SUSD6: variants seen among roughly 807,000 people sequenced by gnomAD.
The protein encoded by SUSD6 is sushi domain-containing protein 6.
A neutral mutation model predicts 28.4 loss-of-function variants in SUSD6; 16 were observed. The observed-to-expected ratio is 0.56, with a 90% CI of 0.38 to 0.86. The LOEUF is 0.86. Ranked by LOEUF, SUSD6 falls within the 40% of genes least tolerant of loss-of-function variation. SUSD6 has a pLI of 0.00. For synonymous variants in SUSD6, 147 were observed against 159.6 expected (o/e 0.92, Z 0.59); for missense variants, 341 against 384.2 (o/e 0.89, Z 0.94).
At chr14:69,654,864 G>C (rs376603492) in intron 1 of SUSD6, among the ~76,000 whole-genome samples, 1 of 141,538 alleles carries the variant, frequency 7.1e-6, no homozygotes, top group Non-Finnish European at 1.5e-5. Flanking sequence ...GCACAATATC[G>C]GCTCACCACA....
chr14:69,687,492 A>C (rs1342594121), intron 2 of SUSD6, among the ~76,000 whole-genome samples: 1 of 152,230 alleles, frequency 6.6e-6, no homozygotes, highest in Admixed American at 6.5e-5. Flanking sequence ...CTATAACATA[A>C]AACCCCAGGT....
chr14:69,677,916 A>C (rs913561208), intron 2 of SUSD6, among the ~76,000 whole-genome samples: 1 of 152,218 alleles, frequency 6.6e-6, no homozygotes, highest in Non-Finnish European at 1.5e-5. Context: ...AAACTTAAAA[A>C]ATGGAGACGA....
intron 2 of SUSD6, among the ~76,000 whole-genome samples, chr14:69,664,717 A>G (rs529506911): frequency 3.3e-5 from 5 of 152,302 alleles, no homozygotes; most frequent in Non-Finnish European, 4.4e-5. Flanking sequence ...CTGGGTCCCT[A>G]TTGGGTTAAA....
rs147919258 is a variant in SUSD6 at position 69,619,103 on chromosome 14, C to T, written c.-81+7275C>T. ...TTCCTAGTCTAGTGCTTTTCCCTCC[C>T]GGTGTGATCACCTCTTTGTTTCTCC... On this transcript the variant is annotated intron_variant, in intron 1 of 5. Coordinates refer to ENST00000342745, the MANE Select transcript of SUSD6 (RefSeq NM_014734.4). 2.4e-3 allele frequency among the ~76,000 whole-genome samples: 371 copies of T among 152,328 alleles called. 1 individual carries two copies. The highest frequency in any genetic ancestry group is 4.5e-3 in the Non-Finnish European group (308 of 68,022).
At chr14:69,644,103 A>G (rs1437595541) in intron 1 of SUSD6, among the ~76,000 whole-genome samples, 1 of 152,210 alleles carries the variant, frequency 6.6e-6, no homozygotes, top group African/African-American at 2.4e-5. Context: ...TATATACACA[A>G]TATACAGTAG....
intron 2 of SUSD6, among the ~76,000 whole-genome samples, chr14:69,671,304 G>T (rs568250323): frequency 6.6e-6 from 1 of 152,342 alleles, no homozygotes; most frequent in South Asian, 2.1e-4. Context: ...CAATTTGTGG[G>T]AGAGGATTGG....
chr14:69,629,749 A>G (rs1885167040), intron 1 of SUSD6, among the ~76,000 whole-genome samples: 1 of 152,248 alleles, frequency 6.6e-6, no homozygotes, highest in Non-Finnish European at 1.5e-5. Flanking sequence ...TGTTTACAGC[A>G]CAACCAACCC....
intron 2 of SUSD6, among the ~76,000 whole-genome samples, chr14:69,687,030 A>G (rs1307962079): frequency 1.3e-5 from 2 of 152,212 alleles, no homozygotes; most frequent in African/African-American, 4.8e-5. Context: ...GCCGGAGTGC[A>G]GTGGTGCGAA....
At chr14:69,706,984 C>A (rs926054361) in intron 4 of SUSD6, among the ~76,000 whole-genome samples, 5 of 150,896 alleles carry the variant, frequency 3.3e-5, no homozygotes, top group African/African-American at 1.2e-4. Context: ...GTGGGACATT[C>A]TTTGAGACAG....
chr14:69,652,123 G>A (rs756624392), intron 1 of SUSD6, among the ~76,000 whole-genome samples: 27 of 152,116 alleles, frequency 1.8e-4, no homozygotes, highest in Non-Finnish European at 2.9e-4. Flanking sequence ...ATTTATGTTG[G>A]TTTTATCATC....
intron 1 of SUSD6, among the ~76,000 whole-genome samples, chr14:69,653,254 T>G (rs1406268269): frequency 6.6e-6 from 1 of 152,194 alleles, no homozygotes; most frequent in African/African-American, 2.4e-5. Context: ...ACGGTCGAGC[T>G]GAGGCCTCCT....
chr14:69,642,326 C>T (rs886196873), intron 1 of SUSD6, among the ~76,000 whole-genome samples: 4 of 152,158 alleles, frequency 2.6e-5, no homozygotes, highest in Non-Finnish European at 5.9e-5. Context: ...TCTGAAGATT[C>T]CATCCAGTGC....
At chr14:69,651,670 G>A (rs1885505574) in intron 1 of SUSD6, among the ~76,000 whole-genome samples, 1 of 152,220 alleles carries the variant, frequency 6.6e-6, no homozygotes, top group Admixed American at 6.5e-5. Flanking sequence ...CACAATGGGA[G>A]AAGATAGAAG....
chr14:69,679,532 T>C (rs1235287777), intron 2 of SUSD6, among the ~76,000 whole-genome samples: 1 of 152,040 alleles, frequency 6.6e-6, no homozygotes, highest in African/African-American at 2.4e-5. Flanking sequence ...GCATGTGGCC[T>C]AACACAAATT....
intron 2 of SUSD6, among the ~76,000 whole-genome samples, chr14:69,670,912 C>G (rs1885822153): frequency 6.6e-6 from 1 of 152,242 alleles, no homozygotes; most frequent in Non-Finnish European, 1.5e-5. Context: ...ATTCCCTAAA[C>G]TAATTTGTTT....
At chr14:69,612,913 A>T (rs1884902446) in intron 1 of SUSD6, among the ~76,000 whole-genome samples, 1 of 152,204 alleles carries the variant, frequency 6.6e-6, no homozygotes, top group Admixed American at 6.5e-5. Flanking sequence ...GTGTAAAAAC[A>T]TACATAGGAG....
At position 69,711,206 on chromosome 14, in the gene SUSD6, C is replaced by T. The variant is rs1346413265; in HGVS notation, c.*227C>T. The T allele has an allele frequency of 1.7e-6, 1 of 580,262 alleles. No individual in the cohort carries two copies. The highest frequency in any genetic ancestry group is 1.9e-5 in the African/African-American group (1 of 53,460). The allele number at this position is 580,262 out of a possible 1,614,324, so 35.9% of individuals were successfully genotyped here. A position where few individuals can be genotyped will look rare whatever the true frequency, so the allele number is the denominator to read the frequency against. On this transcript the variant is annotated 3_prime_UTR_variant, in exon 6 of 6. Transcript: ENST00000342745. ...CTGGAGGAGCTGGCTCTTTGCCTGG[C>T]CCCGCCTTCCCATCTGTCAGAGACA...
At chr14:69,665,528 C>T (rs1885727643) in intron 2 of SUSD6, among the ~76,000 whole-genome samples, 1 of 152,214 alleles carries the variant, frequency 6.6e-6, no homozygotes, top group Non-Finnish European at 1.5e-5. Context: ...GCTGGGATTA[C>T]AGGCATTAGC....
At chr14:69,701,124 A>G (rs1886307013) in intron 2 of SUSD6, among the ~76,000 whole-genome samples, 1 of 152,178 alleles carries the variant, frequency 6.6e-6, no homozygotes, top group Non-Finnish European at 1.5e-5. Flanking sequence ...AGAGCATAGC[A>G]CAGTGACCCC....
Sources: allele counts gnomAD v4.1 joint callset (sites outside exome capture counted in the v4.1 genomes callset), GRCh38; gene constraint gnomAD v4.1.1; transcripts MANE v1.5; gene names NCBI Gene and HGNC (gene_info 2026-07-23, HGNC 2026-07-21).